LRRC37A3: variants seen among roughly 807,000 people sequenced by gnomAD.
LRRC37A3 encodes the protein leucine rich repeat containing 37 member A3.
A neutral mutation model predicts 106.2 loss-of-function variants in LRRC37A3; 25 were observed. The observed-to-expected ratio is 0.24, with a 90% confidence interval of 0.17 to 0.33. LRRC37A3 has a LOEUF of 0.33. Ranked by LOEUF, LRRC37A3 falls within the 10% of genes least tolerant of loss-of-function variation. The probability of loss-of-function intolerance (pLI) is 1.00; values close to 1 mark genes in which losing one functional copy is unlikely to be tolerated. For missense variants in LRRC37A3, 712 were observed against 1,644.9 expected, an observed-to-expected ratio of 0.43 and a Z score of 9.81; for synonymous variants, 305 against 635.8, an observed-to-expected ratio of 0.48 and a Z score of 7.83.
chr17:64,863,006 G>A lies in LRRC37A3; in HGVS notation c.3066C>T (p.Ser1022=). Residue 1022 remains serine (S), a synonymous_variant, in exon 11 of 15, where the codon AGC becomes AGT. Transcript: ENST00000584306. ...ATTGGCAGAGGCAGCAGGCCATATG[G>A]CTAGGTACGATCCTATAGATGAAAA... ...TVELEKLIVP[S]HMACCLCQFK... 2.5e-6 allele frequency: 4 copies of A among 1,597,936 alleles called. No individual in the cohort carries two copies. The highest frequency in any genetic ancestry group is 3.4e-6 in the Non-Finnish European group (4 of 1,179,770).
At chr17:64,883,225 T>C (rs1973762072) in intron 8 of LRRC37A3, among the ~76,000 whole-genome samples, 1 of 152,206 alleles carries the variant, frequency 6.6e-6, no homozygotes, top group Non-Finnish European at 1.5e-5. Flanking sequence ...TTGTTTGACT[T>C]TACTGTGCTT....
chr17:64,909,204 T>C (rs1000590950), intron 2 of LRRC37A3, among the ~76,000 whole-genome samples: 22 of 152,132 alleles, frequency 1.4e-4, no homozygotes, highest in Non-Finnish European at 2.9e-4. Flanking sequence ...ACACATTAGA[T>C]GAAATTCCAG....
intron 2 of LRRC37A3, among the ~76,000 whole-genome samples, chr17:64,910,631 TC>T (rs1336595493): frequency 1.7e-4 from 21 of 125,792 alleles, no homozygotes; most frequent in African/African-American, 4.8e-4. Flanking sequence ...AGTAACATTG[TC>T]CCCCCTTTTT....
At position 64,860,160 on chromosome 17, in the gene LRRC37A3, T is replaced by C. The variant is rs778256452; in HGVS notation, c.3986A>G (p.Lys1329Arg). ...PKVKKSPKVR[K>R]KSYLSRLMLS... ...CATCAGTCTACTCAGATAACTTTTC[T>C]TTCTGACCTTTGGACTCTTTTTGAC... Residue 1329 changes from lysine (K) to arginine (R), a missense_variant, in exon 12 of 15, where the codon AAG becomes AGG. Lys to Arg is a conservative substitution (Grantham distance 26, BLOSUM62 2). Coordinates refer to ENST00000584306, the MANE Select transcript of LRRC37A3 (RefSeq NM_199340.5). The C allele has an allele frequency of 7.4e-6, 12 of 1,613,880 alleles. No individual in the cohort carries two copies. In the South Asian group the frequency reaches 1.1e-4, roughly 15 times the overall value.
rs376947920 is a variant in LRRC37A3 at position 64,854,581 on chromosome 17, G to A, written c.*18C>T. ...TATGTATTTTTGCAGGAGGCCTGAGGTGGGCTGGGTTCTCCTCCTATGGCA... is the reference window on the plus strand; with the variant it reads ...TATGTATTTTTGCAGGAGGCCTGAGATGGGCTGGGTTCTCCTCCTATGGCA... On this transcript the variant is annotated 3_prime_UTR_variant, in exon 15 of 15. Coordinates refer to ENST00000584306, the MANE Select transcript of LRRC37A3 (RefSeq NM_199340.5). 253 of 1,613,820 alleles carry A rather than the reference G, an allele frequency of 1.6e-4. No individual in the cohort carries two copies. The highest frequency in any genetic ancestry group is 2.0e-4 in the Non-Finnish European group (237 of 1,179,858).
intron 2 of LRRC37A3, among the ~76,000 whole-genome samples, chr17:64,908,928 T>G (rs1440474311): frequency 1.3e-5 from 2 of 150,956 alleles, no homozygotes; most frequent in Non-Finnish European, 2.9e-5. Flanking sequence ...ACCACCACCA[T>G]GCCCAGCTAA....
rs1174085243 is a variant in LRRC37A3, at chr17:64,854,619, C to T, written c.4885G>A (p.Glu1629Lys). The T allele has an allele frequency of 2.5e-6, 4 of 1,613,876 alleles. No individual in the cohort carries two copies. The highest frequency in any genetic ancestry group is 3.4e-6 in the Non-Finnish European group (4 of 1,179,866). ...TCCTCCTATGGCAGGGCTTCACTCT[C>T]CTCCTCCGTTGGGGCTTCGCTGTCC... Reference protein sequence around the residue: ...SRDSEAPTEEESEALP With the variant: ...SRDSEAPTEEKSEALP The change falls in exon 15 of 15, where the codon GAG (glutamate) becomes AAG (lysine). Residue 1629 changes from glutamate to lysine, a missense_variant. By Grantham distance (56) the Glu-to-Lys change is moderately conservative (BLOSUM62 1). Transcript: ENST00000584306.
At chr17:64,908,664 C>G (rs1332832781) in intron 2 of LRRC37A3, among the ~76,000 whole-genome samples, 2 of 103,448 alleles carry the variant, frequency 1.9e-5, no homozygotes, top group African/African-American at 1.1e-4. Flanking sequence ...GTGGTCCCAG[C>G]TACTCAGGAG....
intron 2 of LRRC37A3, among the ~76,000 whole-genome samples, chr17:64,904,151 AAGAC>A (rs1974393674): frequency 2.0e-5 from 3 of 151,766 alleles, no homozygotes; most frequent in Admixed American, 2.0e-4. Context: ...AAAAAAAAAA[AAGAC>A]AATGTTTACA....
intron 2 of LRRC37A3, among the ~76,000 whole-genome samples, chr17:64,917,173 G>C (rs999926031): frequency 6.7e-6 from 1 of 148,658 alleles, no homozygotes; most frequent in African/African-American, 2.5e-5. Flanking sequence ...ATGAACCCGG[G>C]AGGCGGAGCT....
rs2143377376 is a variant in LRRC37A3, at chr17:64,860,144, A to C, written c.4002T>G (p.Ser1334Arg). ...GAAGCCTGTTTGAGAGCATCAGTCT[A>C]CTCAGATAACTTTTCTTTCTGACCT... The part of the protein sequence containing the change: ...SPKVRKKSYL[S>R]RLMLSNRLPF... The change falls in exon 12 of 15, where the codon AGT (serine) becomes AGG (arginine). Residue 1334 changes from serine to arginine, a missense_variant. Physicochemically the swap from Ser to Arg is moderately radical, Grantham distance 110. Coordinates refer to ENST00000584306, the MANE Select transcript of LRRC37A3 (RefSeq NM_199340.5). 5 of 1,613,858 alleles carry C rather than the reference A, an allele frequency of 3.1e-6. No individual in the cohort carries two copies. In the East Asian group the frequency reaches 8.9e-5, roughly 29 times the overall value.
chr17:64,905,269 GAA>G (rs1244692366), intron 2 of LRRC37A3: 1 of 194,480 alleles, frequency 5.1e-6, no homozygotes, highest in Non-Finnish European at 1.1e-5. Flanking sequence ...TAGACAGCAA[GAA>G]AAAAGAGATC....
chr17:64,865,349 G>T (rs536692530), intron 10 of LRRC37A3, among the ~76,000 whole-genome samples: 110 of 152,270 alleles, frequency 7.2e-4, no homozygotes, highest in African/African-American at 2.4e-3. Context: ...TCACCATGTT[G>T]TCCAGGCTGG....
intron 10 of LRRC37A3, among the ~76,000 whole-genome samples, chr17:64,866,007 G>A (rs1973056020): frequency 6.6e-6 from 1 of 151,946 alleles, no homozygotes; most frequent in Non-Finnish European, 1.5e-5. Flanking sequence ...TTACACATGA[G>A]CCAAGACTCA....
At chr17:64,916,274 G>A (rs1427843780) in intron 2 of LRRC37A3, among the ~76,000 whole-genome samples, 4 of 151,912 alleles carry the variant, frequency 2.6e-5, no homozygotes, top group Admixed American at 2.0e-4. Flanking sequence ...GCGTGGTGGC[G>A]GGTGCCTGTA....
chr17:64,868,073 C>CA (rs1973178535), intron 10 of LRRC37A3, among the ~76,000 whole-genome samples: 1 of 149,750 alleles, frequency 6.7e-6, no homozygotes, highest in Non-Finnish European at 1.5e-5. Context: ...GATTCCATTT[C>CA]AAAAACAAAA....
At chr17:64,863,059 G>C in intron 10 of LRRC37A3, 41 bp from the exon 11 acceptor site, 3 of 1,596,668 alleles carry the variant, frequency 1.9e-6, no homozygotes, top group Non-Finnish European at 2.5e-6. Flanking sequence ...GCGGTAAAGC[G>C]GTTACTTGAG....
chr17:64,909,570 C>T (rs1261093624), intron 2 of LRRC37A3: 19 of 152,152 alleles, frequency 1.2e-4, no homozygotes, highest in Non-Finnish European at 2.6e-4. Context: ...TTTTATCCTT[C>T]TCCCCAAATA....
At chr17:64,877,390 T>C (rs1423047156) in intron 8 of LRRC37A3, among the ~76,000 whole-genome samples, 3 of 152,062 alleles carry the variant, frequency 2.0e-5, no homozygotes, top group African/African-American at 4.8e-5. Context: ...TTAGTAGACA[T>C]GGGGTTTCAC....
Sources: gnomAD v4.1 joint callset for allele counts (sites outside exome capture counted in the v4.1 genomes callset) on GRCh38, gnomAD v4.1.1 for gene constraint, MANE v1.5 for transcripts, NCBI Gene and HGNC (gene_info 2026-07-23, HGNC 2026-07-21) for gene names.